SMYD3: variants seen among roughly 807,000 people sequenced by gnomAD.
The protein encoded by SMYD3 is histone-lysine N-methyltransferase SMYD3.
Under a neutral mutation model 57.7 loss-of-function variants are expected in SMYD3, and 36 were observed. The ratio of observed to expected loss-of-function variants is 0.62; its 90% CI spans 0.48 to 0.82. The LOEUF (loss-of-function observed/expected upper bound fraction) is 0.82. Among genes scored for constraint, SMYD3 ranks in the 40% least tolerant of loss-of-function variants. The probability of loss-of-function intolerance (pLI) is 0.00; values close to 1 mark genes in which losing one functional copy is unlikely to be tolerated. For missense variants in SMYD3, 515 were observed against 538.8 expected, an observed-to-expected ratio of 0.96 and a Z score of 0.44; for synonymous variants, 211 against 195.0, an observed-to-expected ratio of 1.08 and a Z score of -0.68.
intron 1 of SMYD3, among the ~76,000 whole-genome samples, chr1:246,373,138 T>C (rs1234821920): frequency 6.6e-6 from 1 of 152,204 alleles, no homozygotes; most frequent in Non-Finnish European, 1.5e-5. Context: ...GACCAAAATA[T>C]TGATTTTTTT....
At chr1:245,909,635 C>T (rs1409763525) in intron 8 of SMYD3, among the ~76,000 whole-genome samples, 1 of 151,886 alleles carries the variant, frequency 6.6e-6, no homozygotes, top group Non-Finnish European at 1.5e-5. Flanking sequence ...GGGTTCATCT[C>T]AGGGATGGAA....
intron 5 of SMYD3, among the ~76,000 whole-genome samples, chr1:246,149,280 G>A (rs1170987995): frequency 6.6e-6 from 1 of 152,192 alleles, no homozygotes; most frequent in Non-Finnish European, 1.5e-5. Flanking sequence ...GCTTGTCTGA[G>A]ACACCTAGCT....
intron 5 of SMYD3, among the ~76,000 whole-genome samples, chr1:245,936,223 T>A (rs1017954610): frequency 6.6e-6 from 1 of 152,184 alleles, no homozygotes; most frequent in African/African-American, 2.4e-5. Context: ...GGAAAATACA[T>A]AAAATGATAA....
intron 5 of SMYD3, among the ~76,000 whole-genome samples, chr1:246,032,955 A>G (rs540415476): frequency 1.3e-5 from 2 of 152,304 alleles, no homozygotes; most frequent in Admixed American, 6.5e-5. Context: ...TATAATAAGA[A>G]TGATAATCAT....
rs1304396173 is a variant in SMYD3 at position 246,247,483 on chromosome 1, ATATT to A, written c.531+79714_531+79717del. Among the ~76,000 whole-genome samples, 26 of 144,392 alleles carry A rather than the reference ATATT, an allele frequency of 1.8e-4. No individual in the cohort carries two copies. The South Asian group carries it at 4.9e-3, about 27-fold the overall frequency. The allele number at this position is 144,392 out of a possible 152,430, so 94.7% of individuals were successfully genotyped here. On this transcript the variant is annotated intron_variant, in intron 5 of 11. Coordinates refer to ENST00000490107, the MANE Select transcript of SMYD3 (RefSeq NM_001167740.2). The stretch of plus-strand genomic sequence containing the variant: ...TCTCTCTCTATATATATATATATAT[ATATT>A]TTTTAACATGGGACTCATATATATA...
intron 1 of SMYD3, among the ~76,000 whole-genome samples, chr1:246,457,640 T>C (rs1471790502): frequency 6.6e-6 from 1 of 152,120 alleles, no homozygotes; most frequent in Non-Finnish European, 1.5e-5. Context: ...TCAACTTGGC[T>C]GTAACCAATA....
intron 5 of SMYD3, among the ~76,000 whole-genome samples, chr1:246,176,685 G>A (rs1475244236): frequency 6.6e-6 from 1 of 152,100 alleles, no homozygotes; most frequent in Non-Finnish European, 1.5e-5. Context: ...AACATGCCTG[G>A]CAAATTACTG....
intron 5 of SMYD3, among the ~76,000 whole-genome samples, chr1:246,087,370 A>AACC (rs1206378818): frequency 6.6e-6 from 1 of 152,214 alleles, no homozygotes; most frequent in African/African-American, 2.4e-5. Context: ...TCATCTCTAG[A>AACC]ACCCTGGGTT....
At chr1:246,062,815 A>G (rs1572964263) in intron 5 of SMYD3, among the ~76,000 whole-genome samples, 1 of 152,142 alleles carries the variant, frequency 6.6e-6, no homozygotes, top group South Asian at 2.1e-4. Flanking sequence ...TTAATTAATG[A>G]GCGAAGGTAT....
intron 5 of SMYD3, among the ~76,000 whole-genome samples, chr1:246,069,826 A>G (rs1284246949): frequency 1.3e-5 from 2 of 152,176 alleles, no homozygotes; most frequent in Non-Finnish European, 2.9e-5. Context: ...GGCAGGACGA[A>G]TGAGACTGTT....
At chr1:246,144,331 G>A (rs2061809862) in intron 5 of SMYD3, among the ~76,000 whole-genome samples, 1 of 152,150 alleles carries the variant, frequency 6.6e-6, no homozygotes, top group Non-Finnish European at 1.5e-5. Flanking sequence ...TTTGGTATTC[G>A]AAGCTCATTT....
chr1:246,132,281 C>T (rs2061600200), intron 5 of SMYD3, among the ~76,000 whole-genome samples: 1 of 151,954 alleles, frequency 6.6e-6, no homozygotes, highest in South Asian at 2.1e-4. Flanking sequence ...ATTCCAGGTT[C>T]TGAATTTATG....
intron 5 of SMYD3, among the ~76,000 whole-genome samples, chr1:246,049,873 A>G (rs1166552986): frequency 1.3e-5 from 2 of 152,238 alleles, no homozygotes; most frequent in South Asian, 2.1e-4. Flanking sequence ...TGTTTCAGTC[A>G]TTACTTACCA....
intron 5 of SMYD3, among the ~76,000 whole-genome samples, chr1:246,208,971 T>G (rs1412326642): frequency 6.6e-6 from 1 of 152,168 alleles, no homozygotes; most frequent in African/African-American, 2.4e-5. Flanking sequence ...AGAAAATATA[T>G]TATTTCGCTG....
intron 8 of SMYD3, among the ~76,000 whole-genome samples, chr1:245,895,550 A>C (rs1024604750): frequency 1.3e-5 from 2 of 152,360 alleles, no homozygotes; most frequent in African/African-American, 4.8e-5. Flanking sequence ...AAGTGCTCCC[A>C]TTTCAAATAG....
intron 10 of SMYD3, among the ~76,000 whole-genome samples, chr1:245,786,128 C>T (rs1368383265): frequency 8.4e-6 from 1 of 119,742 alleles, no homozygotes. Flanking sequence ...CTAGATACTA[C>T]AACTATTACC....
chr1:246,359,238 T>C (rs1436463322), intron 1 of SMYD3, among the ~76,000 whole-genome samples: 3 of 152,100 alleles, frequency 2.0e-5, no homozygotes, highest in Non-Finnish European at 4.4e-5. Context: ...CCTGGAAATA[T>C]ACAACCCTCC....
In SMYD3 at chr1:246,444,878, T is replaced by C. The variant is rs112499206; in HGVS notation, c.164+62176A>G. Among the ~76,000 whole-genome samples the C allele has an allele frequency of 4.1e-3, 626 of 152,286 alleles. 6 individuals carry two copies. The highest frequency in any genetic ancestry group is 0.014 in the African/African-American group (601 of 41,568). On this transcript the variant is annotated intron_variant, in intron 1 of 11. Transcript: ENST00000490107. ...GATAACAAGGCAATGTGGTAAAAGC[T>C]TTAGGATACGCAAATTTGACATAGG... is the stretch of plus-strand genomic sequence containing the variant.
intron 1 of SMYD3, among the ~76,000 whole-genome samples, chr1:246,451,984 T>C (rs1277933159): frequency 1.3e-5 from 2 of 152,210 alleles, no homozygotes; most frequent in Non-Finnish European, 1.5e-5. Context: ...GTAGCTGACA[T>C]GAAGTGGCTG....
Sources: allele counts gnomAD v4.1 joint callset (sites outside exome capture counted in the v4.1 genomes callset), GRCh38; gene constraint gnomAD v4.1.1; transcripts MANE v1.5; gene names NCBI Gene and HGNC (gene_info 2026-07-23, HGNC 2026-07-21).